The following SHANK2 variants were observed in gnomAD, a reference collection of about 807,000 sequenced individuals.
SHANK2 encodes SH3 and multiple ankyrin repeat domains protein 2.
A neutral mutation model predicts 133.7 loss-of-function variants in SHANK2; 43 were observed. That is an observed-to-expected ratio of 0.32 (90% CI 0.25 to 0.41). The LOEUF (loss-of-function observed/expected upper bound fraction) is 0.41, where lower values mean the gene tolerates loss of function less well. Among genes scored for constraint, SHANK2 ranks in the 10% least tolerant of loss-of-function variants. The probability of loss-of-function intolerance (pLI) is 1.00; values close to 1 mark genes in which losing one functional copy is unlikely to be tolerated. For missense variants in SHANK2, 1,994 were observed against 2,235.8 expected (o/e 0.89, Z 2.18); for synonymous variants, 1,017 against 952.8 (o/e 1.07, Z -1.24).
At chr11:70,808,076 G>T (rs1948201189) in intron 12 of SHANK2, among the ~76,000 whole-genome samples, 2 of 152,180 alleles carry the variant, frequency 1.3e-5, no homozygotes, top group Admixed American at 1.3e-4. Flanking sequence ...AGGTTCTGGA[G>T]ATGGATGGTG....
At chr11:70,819,516 C>A (rs1427206642) in intron 12 of SHANK2, among the ~76,000 whole-genome samples, 5 of 152,210 alleles carry the variant, frequency 3.3e-5, no homozygotes, top group African/African-American at 1.2e-4. Flanking sequence ...AAGGCAGAGA[C>A]CTGCTTGGGA....
chr11:70,556,389 TTCTTTCTCTC>T (rs1269540851), intron 17 of SHANK2, among the ~76,000 whole-genome samples: 250 of 135,584 alleles, frequency 1.8e-3, no homozygotes, highest in Non-Finnish European at 2.0e-3. Context: ...GTCTCTTTCT[TTCTTTCTCTC>T]TCTCTCTCTC....
At chr11:70,814,657 G>A (rs1307796175) in intron 12 of SHANK2, among the ~76,000 whole-genome samples, 2 of 152,240 alleles carry the variant, frequency 1.3e-5, no homozygotes, top group Non-Finnish European at 2.9e-5. Context: ...GTCCTGCCGG[G>A]GTCCAGCCCC....
intron 15 of SHANK2, among the ~76,000 whole-genome samples, chr11:70,674,037 C>T (rs782103547): frequency 3.9e-5 from 6 of 152,190 alleles, no homozygotes; most frequent in East Asian, 1.9e-4. Flanking sequence ...TCCATTCTCC[C>T]GGGGCTGAGA....
At chr11:70,592,345 G>A (rs1418101632) in intron 17 of SHANK2, among the ~76,000 whole-genome samples, 1 of 152,174 alleles carries the variant, frequency 6.6e-6, no homozygotes, top group Non-Finnish European at 1.5e-5. Flanking sequence ...AGTCCGAGAG[G>A]AGATGCAGTC....
intron 10 of SHANK2, among the ~76,000 whole-genome samples, chr11:70,926,195 C>G (rs782516665): frequency 6.6e-6 from 1 of 152,140 alleles, no homozygotes; most frequent in Non-Finnish European, 1.5e-5. Context: ...ATCCCTTGAG[C>G]TCAGGAGTTC....
In SHANK2 at chr11:70,807,982, T is replaced by G. The variant is rs1426923462; in HGVS notation, c.1494-811A>C. On this transcript the variant is annotated intron_variant, in intron 12 of 25. Transcript: ENST00000601538. The surrounding 1 kb of genome is among the most constrained non-coding windows in gnomAD (Gnocchi z 4.8). Reference sequence around the variant, plus strand: ...CAGTCAGATTCATGGACACAGAAAGTAGAATGGCGGGTGCCGGGGGCTGGT... The same window carrying G: ...CAGTCAGATTCATGGACACAGAAAGGAGAATGGCGGGTGCCGGGGGCTGGT... 2.0e-5 allele frequency among the ~76,000 whole-genome samples: 3 copies of G among 151,912 alleles called. No homozygotes were observed. The highest frequency in any genetic ancestry group is 4.4e-5 in the Non-Finnish European group (3 of 67,970).
At chr11:71,251,499 G>A (rs927745495) in intron 1 of SHANK2, among the ~76,000 whole-genome samples, 5 of 151,768 alleles carry the variant, frequency 3.3e-5, no homozygotes, top group Non-Finnish European at 7.4e-5. Context: ...TGGCGCCCGG[G>A]GCCGGGGCCA....
At chr11:71,168,263 G>T (rs1183399348) in intron 2 of SHANK2, among the ~76,000 whole-genome samples, 1 of 135,808 alleles carries the variant, frequency 7.4e-6, no homozygotes, top group Non-Finnish European at 1.6e-5. Context: ...TTCCCAGATG[G>T]GATGGCGGCT....
chr11:71,057,917 T>G lies in SHANK2; in HGVS notation c.1030-1359A>C, dbSNP rs1419564961. On this transcript the variant is annotated intron_variant, in intron 9 of 25. Transcript: ENST00000601538. ...GTTGTTAAAAGCAAGCAAAACGGTT[T>G]TTTTTTTTTTTTTTGAGACAGGGTC... Among the ~76,000 whole-genome samples the G allele has an allele frequency of 2.1e-4, 31 of 148,890 alleles. 1 individual carries two copies. Among genetic ancestry groups the G allele is most frequent in the Non-Finnish European group, 2.2e-4 (15 of 67,304 alleles).
rs544414041 is a variant in SHANK2, at chr11:70,597,208, C to T, written c.2061+62620G>A. Among the ~76,000 whole-genome samples the T allele has an allele frequency of 3.9e-5, 6 of 152,230 alleles. No individual in the cohort carries two copies. The South Asian group carries it at 8.3e-4, about 21-fold the overall frequency. ...CTCCTGGCACTCATGCCAGGCTCAGCACCCGCCGCCAGGGGAAACTCCTCC... is the reference window on the plus strand; with the variant it reads ...CTCCTGGCACTCATGCCAGGCTCAGTACCCGCCGCCAGGGGAAACTCCTCC... On this transcript the variant is annotated intron_variant, in intron 17 of 25. Coordinates refer to ENST00000601538, the MANE Select transcript of SHANK2 (RefSeq NM_012309.5).
chr11:70,729,766 C>T (rs1383335086), intron 14 of SHANK2, among the ~76,000 whole-genome samples: 3 of 151,530 alleles, frequency 2.0e-5, no homozygotes, highest in African/African-American at 7.3e-5. Context: ...ATCTTCTGAC[C>T]TCATGATCTG....
At chr11:70,785,550 G>A (rs970890902) in intron 14 of SHANK2, among the ~76,000 whole-genome samples, 1 of 152,222 alleles carries the variant, frequency 6.6e-6, no homozygotes, top group Non-Finnish European at 1.5e-5. Flanking sequence ...CGGTTGCAGG[G>A]AGAGGAGTCT....
chr11:71,092,459 C>G lies in SHANK2; in HGVS notation c.875G>C (p.Cys292Ser), dbSNP rs782424677. Residue 292 changes from cysteine (C) to serine (S), a missense_variant, in exon 8 of 26, where the codon TGC becomes TCC. Cys to Ser is a moderately radical substitution (Grantham distance 112). Transcript: ENST00000601538. ...ELLLHEHATV[C>S]CKDENGWHEI... ...GTGCCAGCCGTTCTCATCTTTGCAG[C>G]ACACAGTGGCGTGTTCGTGCAGGAG... The G allele has an allele frequency of 1.2e-5, 19 of 1,551,508 alleles. No individual in the cohort carries two copies. The highest frequency in any genetic ancestry group is 3.6e-5 in the South Asian group (3 of 84,038).
intron 14 of SHANK2, among the ~76,000 whole-genome samples, chr11:70,756,930 A>G (rs1335639300): frequency 6.6e-6 from 1 of 152,174 alleles, no homozygotes; most frequent in African/African-American, 2.4e-5. Flanking sequence ...CCCAGGCTCC[A>G]AACCTCCTGG....
intron 11 of SHANK2, among the ~76,000 whole-genome samples, chr11:70,850,459 T>A (rs1286838142): frequency 6.6e-6 from 1 of 152,138 alleles, no homozygotes; most frequent in Non-Finnish European, 1.5e-5. Flanking sequence ...GTTTACCAGC[T>A]CTCCCTCCTG....
At chr11:70,914,668 T>TAAATAAAATAAGATAAAATA in intron 10 of SHANK2, among the ~76,000 whole-genome samples, 2 of 107,286 alleles carry the variant, frequency 1.9e-5, no homozygotes, top group Admixed American at 2.1e-4. Context: ...ACAAAAAAAA[T>TAAATAAAATAAGATAAAATA]AAATAAAATA....
chr11:70,556,765 T>C (rs1369787422), intron 17 of SHANK2, among the ~76,000 whole-genome samples: 1 of 152,112 alleles, frequency 6.6e-6, no homozygotes, highest in Non-Finnish European at 1.5e-5. Context: ...CTAATTTTTG[T>C]ATTTTTAGTA....
chr11:71,200,098 C>T (rs982316110), intron 2 of SHANK2, among the ~76,000 whole-genome samples: 51 of 152,198 alleles, frequency 3.4e-4, no homozygotes, highest in African/African-American at 1.2e-3. Flanking sequence ...TCTCAGCACC[C>T]CACATGGAAA....
Sources: gnomAD v4.1 joint callset for allele counts (sites outside exome capture counted in the v4.1 genomes callset) on GRCh38, gnomAD v4.1.1 for gene constraint, Gnocchi (gnomAD v3.1) non-coding constraint, MANE v1.5 for transcripts, NCBI Gene and HGNC (gene_info 2026-07-23, HGNC 2026-07-21) for gene names.